ZNF385B: variants seen among roughly 807,000 people sequenced by gnomAD.
ZNF385B encodes the protein zinc finger protein 385B.
ZNF385B carries 23 observed loss-of-function variants against 39.2 expected under a neutral mutation model. That is an observed-to-expected ratio of 0.59 (90% CI 0.42 to 0.83). ZNF385B has a LOEUF of 0.83. ZNF385B is among the 40% of genes least tolerant of loss of function. The pLI is 0.00. For missense variants in ZNF385B, 552 were observed against 598.9 expected (o/e 0.92, Z 0.82); for synonymous variants, 205 against 222.6 (o/e 0.92, Z 0.70).
intron 4 of ZNF385B, among the ~76,000 whole-genome samples, chr2:179,544,154 C>T (rs2060087875): frequency 1.3e-5 from 2 of 152,230 alleles, no homozygotes; most frequent in East Asian, 3.9e-4. Flanking sequence ...ATGTCATGCT[C>T]CACTTGACAC....
chr2:179,606,165 G>C (rs1400587008), intron 3 of ZNF385B, among the ~76,000 whole-genome samples: 1 of 152,124 alleles, frequency 6.6e-6, no homozygotes, highest in African/African-American at 2.4e-5. Flanking sequence ...GATCAGAGTT[G>C]ATAAAATGAT....
At chr2:179,829,592 C>T (rs942458403) in intron 1 of ZNF385B, among the ~76,000 whole-genome samples, 2 of 152,220 alleles carry the variant, frequency 1.3e-5, no homozygotes, top group South Asian at 2.1e-4. Context: ...CGGCTCACTG[C>T]AAGCTCCGCC....
At chr2:179,716,749 A>G (rs1328640124) in intron 3 of ZNF385B, among the ~76,000 whole-genome samples, 1 of 152,176 alleles carries the variant, frequency 6.6e-6, no homozygotes. Flanking sequence ...CTGAGATATA[A>G]GCTGAAACAC....
chr2:179,739,067 G>A (rs1056953234), intron 3 of ZNF385B, among the ~76,000 whole-genome samples: 4 of 152,202 alleles, frequency 2.6e-5, no homozygotes, highest in Admixed American at 1.3e-4. Context: ...TCTCAGCTGA[G>A]CTAGCTAGAT....
chr2:179,608,058 C>T lies in ZNF385B; in HGVS notation c.299-63089G>A, dbSNP rs144423633. Among the ~76,000 whole-genome samples, 680 of 151,886 alleles carry T rather than the reference C, an allele frequency of 4.5e-3. 3 individuals carry two copies. The highest frequency in any genetic ancestry group is 0.015 in the African/African-American group (636 of 41,448). On this transcript the variant is annotated intron_variant, in intron 3 of 9. Coordinates refer to ENST00000410066, the MANE Select transcript of ZNF385B (RefSeq NM_152520.6). Reference sequence around the variant, plus strand: ...GTCTCCGAGTAGCTGGGATTACAGGCGTGCACCACCATGCCCAGCTAATTT... The same window carrying T: ...GTCTCCGAGTAGCTGGGATTACAGGTGTGCACCACCATGCCCAGCTAATTT...
At chr2:179,802,793 G>C (rs984807003) in intron 1 of ZNF385B, 2 of 152,092 alleles carry the variant, frequency 1.3e-5, no homozygotes, top group African/African-American at 4.8e-5. Flanking sequence ...CCCAGAGAAG[G>C]AGTGTTCTCC....
chr2:179,543,296 G>C (rs2060034218), intron 4 of ZNF385B, among the ~76,000 whole-genome samples: 1 of 152,002 alleles, frequency 6.6e-6, no homozygotes, highest in Non-Finnish European at 1.5e-5. Context: ...AAAATAAAAA[G>C]TAAAAGAAAA....
intron 6 of ZNF385B, among the ~76,000 whole-genome samples, chr2:179,475,584 G>A (rs1016928371): frequency 6.6e-6 from 1 of 151,606 alleles, no homozygotes; most frequent in Admixed American, 6.6e-5. Flanking sequence ...CTGGTCTATA[G>A]AAATGAGAGC....
At chr2:179,798,132 C>T (rs1009203544) in intron 1 of ZNF385B, among the ~76,000 whole-genome samples, 16 of 151,764 alleles carry the variant, frequency 1.1e-4, no homozygotes, top group East Asian at 3.9e-4. Flanking sequence ...TCATGTGTTT[C>T]GATCTATTAC....
intron 6 of ZNF385B, among the ~76,000 whole-genome samples, chr2:179,463,852 C>T (rs1031305637): frequency 5.3e-5 from 8 of 152,104 alleles, no homozygotes; most frequent in Non-Finnish European, 8.8e-5. Context: ...ATTTATAATC[C>T]TTTGGGTATA....
At chr2:179,712,356 A>T (rs1467778716) in intron 3 of ZNF385B, among the ~76,000 whole-genome samples, 1 of 152,132 alleles carries the variant, frequency 6.6e-6, no homozygotes, top group Admixed American at 6.5e-5. Context: ...CTACCCTACT[A>T]CTAGCCTCCT....
At chr2:179,685,893 T>G (rs13408478) in intron 3 of ZNF385B, among the ~76,000 whole-genome samples, 2 of 152,172 alleles carry the variant, frequency 1.3e-5, no homozygotes, top group Non-Finnish European at 2.9e-5. Flanking sequence ...ACATATATGT[T>G]CCACATTAGC....
chr2:179,806,098 C>T (rs2106560065), intron 1 of ZNF385B, among the ~76,000 whole-genome samples: 1 of 151,920 alleles, frequency 6.6e-6, no homozygotes, highest in South Asian at 2.1e-4. Flanking sequence ...AAATTTTGTA[C>T]CAACAAACAG....
chr2:179,542,757 T>TA (rs199799767), intron 4 of ZNF385B, among the ~76,000 whole-genome samples: 15 of 151,382 alleles, frequency 9.9e-5, no homozygotes, highest in South Asian at 2.1e-4. Flanking sequence ...ATCGCAATTG[T>TA]AAAAAAAAAC....
At chr2:179,692,756 T>C (rs1486357090) in intron 3 of ZNF385B, among the ~76,000 whole-genome samples, 1 of 152,190 alleles carries the variant, frequency 6.6e-6, no homozygotes, top group Non-Finnish European at 1.5e-5. Context: ...TCTGCTCTCA[T>C]TGGTGAAGAT....
rs939024775 is a variant in ZNF385B at position 179,552,263 on chromosome 2, T to C, written c.299-7294A>G. ...GAGACTTCCTAGTGGCTCTTCTTTA[T>C]ATGCCAAAACAGAAGCAAAGAAAAC... On this transcript the variant is annotated intron_variant, in intron 3 of 9. Transcript: ENST00000410066. Among the ~76,000 whole-genome samples, 6 of 149,346 alleles carry C rather than the reference T, an allele frequency of 4.0e-5. 1 individual carries two copies. The highest frequency in any genetic ancestry group is 1.5e-4 in the African/African-American group (6 of 39,696).
At chr2:179,775,510 C>T (rs1461447978) in intron 1 of ZNF385B, among the ~76,000 whole-genome samples, 1 of 151,978 alleles carries the variant, frequency 6.6e-6, no homozygotes, top group Non-Finnish European at 1.5e-5. Flanking sequence ...CATTTTTTTC[C>T]CCAAGTACTT....
At chr2:179,851,208 T>TGGGAGGACAAGGC (rs1198844940) in intron 1 of ZNF385B, among the ~76,000 whole-genome samples, 4 of 152,264 alleles carry the variant, frequency 2.6e-5, no homozygotes, top group South Asian at 2.1e-4. Flanking sequence ...CCCAATGCTG[T>TGGGAGGACAAGGC]GGGAGGACAA....
chr2:179,737,174 T>G (rs1701815194), intron 3 of ZNF385B, among the ~76,000 whole-genome samples: 1 of 152,266 alleles, frequency 6.6e-6, no homozygotes, highest in Non-Finnish European at 1.5e-5. Flanking sequence ...AGCTGTTGAG[T>G]GGCGGTGTGG....
Sources: allele counts gnomAD v4.1 joint callset (sites outside exome capture counted in the v4.1 genomes callset), GRCh38; gene constraint gnomAD v4.1.1; transcripts MANE v1.5; gene names NCBI Gene and HGNC (gene_info 2026-07-23, HGNC 2026-07-21).